Variants in GPR139 observed in about 807,000 individuals in gnomAD.
GPR139 encodes probable G protein-coupled receptor 139.
Under a neutral mutation model 25.8 loss-of-function variants are expected in GPR139, and 12 were observed. That is an observed-to-expected ratio of 0.47 (90% CI 0.30 to 0.75). GPR139 has a LOEUF of 0.75. Among genes scored for constraint, GPR139 ranks in the 30% least tolerant of loss-of-function variants. GPR139 has a pLI of 0.07. For missense variants in GPR139, 380 were observed against 450.2 expected, an observed-to-expected ratio of 0.84 and a Z score of 1.41; for synonymous variants, 184 against 179.9, an observed-to-expected ratio of 1.02 and a Z score of -0.18.
intron 1 of GPR139, among the ~76,000 whole-genome samples, chr16:20,042,909 G>A (rs2057341558): frequency 6.6e-6 from 1 of 152,108 alleles, no homozygotes; most frequent in Non-Finnish European, 1.5e-5. Flanking sequence ...CCATGCCTGG[G>A]CTTAGTGGTG....
Position 20,073,677 on chromosome 16 carries a change from C to G in GPR139, c.-61G>C, listed in dbSNP as rs1199540333. 1 of 1,490,330 alleles carries G rather than the reference C, an allele frequency of 6.7e-7. No individual in the cohort carries two copies. The highest frequency in any genetic ancestry group is 8.9e-7 in the Non-Finnish European group (1 of 1,121,686). 92.3% of individuals were successfully genotyped at this position (1,490,330 alleles called of 1,614,324 possible). A position where few individuals can be genotyped will look rare whatever the true frequency, so the allele number is the denominator to read the frequency against. Reference sequence around the variant, plus strand: ...CGGCCTGCCAGCCCGACTCTGGTCGCCGGCTCGGTGGTGGCGGCGGCGGAG... The same window carrying G: ...CGGCCTGCCAGCCCGACTCTGGTCGGCGGCTCGGTGGTGGCGGCGGCGGAG... On this transcript the variant is annotated 5_prime_UTR_variant, in exon 1 of 2. Transcript: ENST00000570682. The surrounding 1 kb of genome is among the most constrained non-coding windows in gnomAD (Gnocchi z 4.7).
At chr16:20,067,840 T>C (rs1235601140) in intron 1 of GPR139, among the ~76,000 whole-genome samples, 1 of 147,664 alleles carries the variant, frequency 6.8e-6, no homozygotes, top group Non-Finnish European at 1.5e-5. Context: ...GGAGTGCCTA[T>C]GTGCTTTTGA....
At chr16:20,049,213 T>C (rs1384330021) in intron 1 of GPR139, among the ~76,000 whole-genome samples, 5 of 152,118 alleles carry the variant, frequency 3.3e-5, no homozygotes, top group Non-Finnish European at 7.4e-5. Flanking sequence ...GAAAGAGTGA[T>C]GGATGGATGG....
chr16:20,046,599 C>T (rs914196936), intron 1 of GPR139, among the ~76,000 whole-genome samples: 5 of 152,022 alleles, frequency 3.3e-5, no homozygotes, highest in Non-Finnish European at 5.9e-5. Flanking sequence ...GCCAGGAGGC[C>T]GAGACATTTT....
intron 1 of GPR139, among the ~76,000 whole-genome samples, chr16:20,042,591 T>C (rs746353465): frequency 6.6e-6 from 1 of 152,206 alleles, no homozygotes; most frequent in Non-Finnish European, 1.5e-5. Flanking sequence ...GCATGATGAT[T>C]CAGTTGTCTC....
intron 1 of GPR139, among the ~76,000 whole-genome samples, chr16:20,055,280 A>T (rs1395500091): frequency 6.6e-6 from 1 of 152,206 alleles, no homozygotes; most frequent in African/African-American, 2.4e-5. Flanking sequence ...GCTGAAGGCC[A>T]TTATCTTTAG....
At chr16:20,068,567 A>T (rs12920693) in intron 1 of GPR139, among the ~76,000 whole-genome samples, 1 of 151,940 alleles carries the variant, frequency 6.6e-6, no homozygotes, top group East Asian at 1.9e-4. Flanking sequence ...AACCGAAACT[A>T]CTGAATTCCT....
chr16:20,068,256 A>AAAAG (rs1555467127), intron 1 of GPR139, among the ~76,000 whole-genome samples: 1,432 of 137,362 alleles, frequency 0.01, 30 homozygotes, highest in African/African-American at 0.037. Context: ...AAAAAAAAAA[A>AAAAG]AAGAAAGGAG....
chr16:20,065,089 GT>G (rs954191737), intron 1 of GPR139, among the ~76,000 whole-genome samples: 20 of 151,938 alleles, frequency 1.3e-4, no homozygotes, highest in Non-Finnish European at 2.8e-4. Context: ...CCCCATTGGT[GT>G]TTTTTGGTGC....
At chr16:20,051,529 G>A (rs982782791) in intron 1 of GPR139, among the ~76,000 whole-genome samples, 1 of 152,194 alleles carries the variant, frequency 6.6e-6, no homozygotes, top group Non-Finnish European at 1.5e-5. Flanking sequence ...CATGCCCAGA[G>A]GACAACGTCT....
intron 1 of GPR139, among the ~76,000 whole-genome samples, chr16:20,047,934 C>T (rs909791812): frequency 7.2e-5 from 11 of 152,064 alleles, no homozygotes; most frequent in African/African-American, 1.7e-4. Context: ...GGAAAGTGCC[C>T]GGTGCTAGGC....
At position 20,031,611 on chromosome 16, in the gene GPR139, C is replaced by CCCAGTCT; in HGVS notation, c.*117_*123dup. ...TTCTCATCTACCAGTCTGAGAATTGCCCAGTCTGCGGGAGACAGGAAATCG... is the reference window on the plus strand; with the variant it reads ...TTCTCATCTACCAGTCTGAGAATTGCCCAGTCTCCAGTCTGCGGGAGACAGGAAATCG... On this transcript the variant is annotated 3_prime_UTR_variant, in exon 2 of 2. Transcript: ENST00000570682. The CCCAGTCT allele has an allele frequency of 1.4e-6, 1 of 718,598 alleles. No homozygotes were observed. Among genetic ancestry groups the CCCAGTCT allele is most frequent in the Non-Finnish European group, 2.4e-6 (1 of 411,462 alleles). 44.5% of individuals were successfully genotyped at this position (718,598 alleles called of 1,614,324 possible).
rs2057328877 is a variant in GPR139, at chr16:20,041,121, GAA to G, written c.128-8454_128-8453del. Among the ~76,000 whole-genome samples the G allele has an allele frequency of 2.6e-3, 10 of 3,776 alleles. 1 individual carries two copies. Among genetic ancestry groups the G allele is most frequent in the African/African-American group, 0.022 (7 of 318 alleles). 2.5% of individuals were successfully genotyped at this position (3,776 alleles called of 152,430 possible). A position where few individuals can be genotyped will look rare whatever the true frequency, so the allele number is the denominator to read the frequency against. On this transcript the variant is annotated intron_variant, in intron 1 of 1. Transcript: ENST00000570682. ...TGAGACTCTGACCCAGAAAGGAAAGGAAAGGAAAGGAGAGGAGAGGAGAGGAG... is the reference window on the plus strand; with the variant it reads ...TGAGACTCTGACCCAGAAAGGAAAGGAGGAAAGGAGAGGAGAGGAGAGGAG...
At chr16:20,033,443 CT>C in intron 1 of GPR139, among the ~76,000 whole-genome samples, 1 of 152,298 alleles carries the variant, frequency 6.6e-6, no homozygotes, top group Middle Eastern at 3.4e-3. Flanking sequence ...ATAGGATCCC[CT>C]GATCCCAAAT....
intron 1 of GPR139, among the ~76,000 whole-genome samples, chr16:20,058,488 G>A (rs1248345260): frequency 2.6e-5 from 4 of 152,114 alleles, no homozygotes; most frequent in African/African-American, 9.7e-5. Flanking sequence ...TTGGTGGAGG[G>A]AATAGGGAGA....
intron 1 of GPR139, among the ~76,000 whole-genome samples, chr16:20,068,256 A>G (rs12934818): frequency 0.21 from 29,369 of 137,760 alleles, 3,440 homozygotes; most frequent in East Asian, 0.3. Flanking sequence ...AAAAAAAAAA[A>G]AAGAAAGGAG....
rs536543144 is a variant in GPR139 at position 20,031,730 on chromosome 16, T to C, written c.*5A>G. 36 of 1,610,640 alleles carry C rather than the reference T, an allele frequency of 2.2e-5. No homozygotes were observed. Among genetic ancestry groups the C allele is most frequent in the Non-Finnish European group, 3.1e-5 (36 of 1,177,186 alleles). Reference sequence around the variant, plus strand: ...ACAGAGGCAGTAGTTGCCACACCTATGGAATCACGGGGATACTTTTATAGG... The same window carrying C: ...ACAGAGGCAGTAGTTGCCACACCTACGGAATCACGGGGATACTTTTATAGG... On this transcript the variant is annotated 3_prime_UTR_variant, in exon 2 of 2. Transcript: ENST00000570682.
chr16:20,038,833 T>C (rs2057320474), intron 1 of GPR139, among the ~76,000 whole-genome samples: 1 of 152,226 alleles, frequency 6.6e-6, no homozygotes, highest in African/African-American at 2.4e-5. Flanking sequence ...ATTTCTTTCA[T>C]TTCCACAGTG....
chr16:20,058,334 A>AGTGT (rs56090244), intron 1 of GPR139, among the ~76,000 whole-genome samples: 39 of 149,668 alleles, frequency 2.6e-4, no homozygotes, highest in Non-Finnish European at 4.3e-4. Flanking sequence ...ATGGATGTGG[A>AGTGT]GTGTGTGTGT....
Sources: gnomAD v4.1 joint callset for allele counts (sites outside exome capture counted in the v4.1 genomes callset) on GRCh38, gnomAD v4.1.1 for gene constraint, Gnocchi (gnomAD v3.1) non-coding constraint, MANE v1.5 for transcripts, NCBI Gene and HGNC (gene_info 2026-07-23, HGNC 2026-07-21) for gene names.